Variants in THSD4 observed in about 807,000 individuals in gnomAD.
The protein encoded by THSD4 is thrombospondin type 1 domain containing 4, also known as thrombospondin type-1 domain-containing protein 4.
Under a neutral mutation model 119.0 loss-of-function variants are expected in THSD4, and 69 were observed. The ratio of observed to expected loss-of-function variants is 0.58; its 90% CI spans 0.48 to 0.71. The LOEUF (loss-of-function observed/expected upper bound fraction) is 0.71. THSD4 is among the 30% of genes least tolerant of loss of function. The pLI is 0.00. For missense variants in THSD4, 1,393 were observed against 1,391.1 expected (o/e 1.00, Z -0.02); for synonymous variants, 524 against 540.4 (o/e 0.97, Z 0.42).
At chr15:71,749,884 G>T (rs2053416425) in intron 14 of THSD4, among the ~76,000 whole-genome samples, 1 of 151,636 alleles carries the variant, frequency 6.6e-6, no homozygotes, top group Non-Finnish European at 1.5e-5. Context: ...CTATAGGTGC[G>T]CGCCACCACC....
intron 7 of THSD4, among the ~76,000 whole-genome samples, chr15:71,433,968 AAAAC>A (rs2046973444): frequency 6.6e-6 from 1 of 152,170 alleles, no homozygotes; most frequent in Non-Finnish European, 1.5e-5. Context: ...GCTCACAGAC[AAAAC>A]AAACAAGCAT....
chr15:71,391,627 A>G (rs1596394506), intron 6 of THSD4, among the ~76,000 whole-genome samples: 2 of 152,224 alleles, frequency 1.3e-5, no homozygotes, highest in East Asian at 3.8e-4. Context: ...GCGGGCGACC[A>G]GGGTTCATTC....
chr15:71,207,985 G>T (rs893203890), intron 3 of THSD4, among the ~76,000 whole-genome samples: 2 of 152,220 alleles, frequency 1.3e-5, no homozygotes, highest in African/African-American at 4.8e-5. Flanking sequence ...GGTGGGAAGT[G>T]AGGCACATCA....
At chr15:71,132,923 C>T (rs987888497) in intron 1 of THSD4, among the ~76,000 whole-genome samples, 1 of 152,338 alleles carries the variant, frequency 6.6e-6, no homozygotes, top group Non-Finnish European at 1.5e-5. Context: ...GGCCTGAGCC[C>T]CCAGCTGCCT....
intron 6 of THSD4, among the ~76,000 whole-genome samples, chr15:71,408,395 C>T (rs1395483698): frequency 6.6e-6 from 1 of 151,984 alleles, no homozygotes; most frequent in Non-Finnish European, 1.5e-5. Context: ...CTCACGCCCA[C>T]CTAATTTTTA....
chr15:71,516,812 A>AT (rs1206176022), intron 7 of THSD4, among the ~76,000 whole-genome samples: 1 of 152,194 alleles, frequency 6.6e-6, no homozygotes, highest in South Asian at 2.1e-4. Context: ...TCTTGTGTTC[A>AT]TTTTTTGTAG....
In THSD4 at chr15:71,783,168, A is replaced by G. The variant is rs1481713675; in HGVS notation, c.*5794A>G. The G allele has an allele frequency of 6.6e-6, 1 of 152,222 alleles. No homozygotes were observed. The highest frequency in any genetic ancestry group is 1.5e-5 in the Non-Finnish European group (1 of 68,050). 9.4% of individuals were successfully genotyped at this position (152,222 alleles called of 1,614,324 possible). ...TAAGCAGGTGAAAGGTAGAAGGCGA[A>G]TTATGTGAGTAAATATGGTCTGTTT... On this transcript the variant is annotated 3_prime_UTR_variant, in exon 18 of 18. Transcript: ENST00000261862.
chr15:71,140,108 G>A (rs1206189403), intron 1 of THSD4, among the ~76,000 whole-genome samples: 1 of 152,214 alleles, frequency 6.6e-6, no homozygotes, highest in South Asian at 2.1e-4. Flanking sequence ...CTGTGACAAC[G>A]TATTTTAAGT....
At chr15:71,098,982 C>T (rs1454861770) in intron 1 of THSD4, among the ~76,000 whole-genome samples, 1 of 152,136 alleles carries the variant, frequency 6.6e-6, no homozygotes, top group Non-Finnish European at 1.5e-5. Flanking sequence ...AAAATTTGTT[C>T]TCAATTGTTT....
At chr15:71,733,969 G>GTTA (rs1282642190) in intron 10 of THSD4, 1 of 149,170 alleles carries the variant, frequency 6.7e-6, no homozygotes, top group Non-Finnish European at 1.5e-5. Flanking sequence ...TGTTGTTGTT[G>GTTA]TTGTTGTTGT....
intron 7 of THSD4, among the ~76,000 whole-genome samples, chr15:71,520,013 A>G (rs556335861): frequency 5.2e-4 from 79 of 152,258 alleles, no homozygotes; most frequent in Non-Finnish European, 1.0e-3. Context: ...TTGAACATGT[A>G]CTGTCTGTCT....
chr15:71,430,504 T>G (rs1326510182), intron 7 of THSD4, among the ~76,000 whole-genome samples: 1 of 152,190 alleles, frequency 6.6e-6, no homozygotes, highest in Non-Finnish European at 1.5e-5. Context: ...AGATTTGACT[T>G]GCCCTCAGAC....
intron 6 of THSD4, among the ~76,000 whole-genome samples, chr15:71,409,441 T>C (rs1161738033): frequency 6.6e-6 from 1 of 152,216 alleles, no homozygotes; most frequent in East Asian, 1.9e-4. Context: ...GAGATGAATT[T>C]TGCCTCCAAC....
intron 1 of THSD4, among the ~76,000 whole-genome samples, chr15:71,106,056 C>T (rs1483437118): frequency 2.6e-5 from 4 of 152,074 alleles, no homozygotes; most frequent in South Asian, 4.1e-4. Context: ...CCAAAATATC[C>T]GGGAAATGGG....
intron 7 of THSD4, among the ~76,000 whole-genome samples, chr15:71,490,516 C>T (rs1213333404): frequency 2.8e-5 from 4 of 145,200 alleles, no homozygotes; most frequent in East Asian, 2.0e-4. Context: ...GCTGAGATCG[C>T]GCCACTGCAC....
Position 71,667,738 on chromosome 15 carries a change from T to C in THSD4, c.1357+7004T>C, listed in dbSNP as rs894690916. Among the ~76,000 whole-genome samples the C allele has an allele frequency of 2.6e-5, 4 of 152,208 alleles. 1 individual carries two copies. The highest frequency in any genetic ancestry group is 2.6e-4 in the Admixed American group (4 of 15,280). ...TTCGTATGACTATTAATCCCTAATA[T>C]TTTTTGCATGTTCACTGTAAAAATT... On this transcript the variant is annotated intron_variant, in intron 8 of 17. Coordinates refer to ENST00000261862, the MANE Select transcript of THSD4 (RefSeq NM_024817.3).
chr15:71,223,689 C>G lies in THSD4; in HGVS notation c.464+8290C>G, dbSNP rs1411804984. Among the ~76,000 whole-genome samples, 23 of 152,158 alleles carry G rather than the reference C, an allele frequency of 1.5e-4. 1 individual carries two copies. The highest frequency in any genetic ancestry group is 1.2e-3 in the Admixed American group (19 of 15,284). On this transcript the variant is annotated intron_variant, in intron 4 of 17. Coordinates refer to ENST00000261862, the MANE Select transcript of THSD4 (RefSeq NM_024817.3). ...AAAGAGGCGTGGTTTTCCATGACCTCCATGTCTGATGAGGAAACAGCTCAG... is the reference window on the plus strand; with the variant it reads ...AAAGAGGCGTGGTTTTCCATGACCTGCATGTCTGATGAGGAAACAGCTCAG...
At position 71,346,868 on chromosome 15, in the gene THSD4, C is replaced by CTTTTTTTTTT. The variant is rs71154763; in HGVS notation, c.1016-64805_1016-64796dup. Among the ~76,000 whole-genome samples, 32 of 85,998 alleles carry CTTTTTTTTTT rather than the reference C, an allele frequency of 3.7e-4. 1 individual carries two copies. The highest frequency in any genetic ancestry group is 7.4e-4 in the East Asian group (2 of 2,702). The allele number at this position is 85,998 out of a possible 152,430, so 56.4% of individuals were successfully genotyped here. A position where few individuals can be genotyped will look rare whatever the true frequency, so the allele number is the denominator to read the frequency against. On this transcript the variant is annotated intron_variant, in intron 6 of 17. Transcript: ENST00000261862. Reference sequence around the variant, plus strand: ...ACATCATAAGTTTCATTTTCATTTTCTTTTTTTTTTTTTTTTTTTTTTTGA... The same window carrying CTTTTTTTTTT: ...ACATCATAAGTTTCATTTTCATTTTCTTTTTTTTTTTTTTTTTTTTTTTTTTTTTTTTTGA...
At chr15:71,750,257 A>G (rs1162849862) in intron 14 of THSD4, among the ~76,000 whole-genome samples, 1 of 152,190 alleles carries the variant, frequency 6.6e-6, no homozygotes, top group Non-Finnish European at 1.5e-5. Context: ...CAGTTTGGGG[A>G]TATCAGCAGA....
Sources: allele counts gnomAD v4.1 joint callset (sites outside exome capture counted in the v4.1 genomes callset), GRCh38; gene constraint gnomAD v4.1.1; transcripts MANE v1.5; gene names NCBI Gene and HGNC (gene_info 2026-07-23, HGNC 2026-07-21).